Variants in ARL15 observed in about 807,000 individuals in gnomAD.
ARL15 encodes ARF like GTPase 15.
A neutral mutation model predicts 25.2 loss-of-function variants in ARL15; 19 were observed. The ratio of observed to expected loss-of-function variants is 0.75; its 90% confidence interval spans 0.53 to 1.10. The LOEUF is 1.10. Among genes scored for constraint, ARL15 ranks in the 50% least tolerant of loss-of-function variants. ARL15 has a pLI of 0.00. For synonymous variants in ARL15, 94 were observed against 86.8 expected (o/e 1.08, Z -0.46); for missense variants, 220 against 246.0 (o/e 0.89, Z 0.71).
intron 4 of ARL15, among the ~76,000 whole-genome samples, chr5:54,018,880 G>A (rs1302082277): frequency 3.3e-5 from 5 of 151,936 alleles, no homozygotes; most frequent in Admixed American, 6.6e-5. Flanking sequence ...CTAAACACCC[G>A]GAGTGAATAA....
intron 4 of ARL15, among the ~76,000 whole-genome samples, chr5:53,958,345 T>C (rs1259005408): frequency 6.6e-6 from 1 of 152,152 alleles, no homozygotes; most frequent in East Asian, 1.9e-4. Context: ...GTTACGTTGG[T>C]ATCAAGTAAA....
intron 1 of ARL15, among the ~76,000 whole-genome samples, chr5:54,215,542 T>C (rs1231164180): frequency 3.5e-5 from 5 of 144,262 alleles, no homozygotes; most frequent in Non-Finnish European, 6.0e-5. Context: ...AAATTCAATC[T>C]GAGAACTCGA....
At chr5:54,295,827 A>G (rs140819459) in intron 1 of ARL15, among the ~76,000 whole-genome samples, 80 of 152,326 alleles carry the variant, frequency 5.3e-4, no homozygotes, top group Non-Finnish European at 4.4e-5. Context: ...CCTGCCTCTC[A>G]GGAAACATTC....
intron 1 of ARL15, among the ~76,000 whole-genome samples, chr5:54,269,596 T>G (rs374662058): frequency 7.2e-5 from 11 of 152,218 alleles, no homozygotes; most frequent in East Asian, 5.8e-4. Flanking sequence ...CTTAATGAGA[T>G]GGATAGGTTA....
chr5:54,055,608 G>A (rs1322530764), intron 4 of ARL15, among the ~76,000 whole-genome samples: 9 of 151,946 alleles, frequency 5.9e-5, no homozygotes, highest in Non-Finnish European at 1.0e-4. Flanking sequence ...TGATCCACCC[G>A]TCTCGGCCTC....
chr5:54,144,591 T>A (rs1025914743), intron 3 of ARL15, among the ~76,000 whole-genome samples: 10 of 152,248 alleles, frequency 6.6e-5, no homozygotes, highest in African/African-American at 2.2e-4. Context: ...TCATTTGGCA[T>A]CTTTCTTTCA....
intron 4 of ARL15, among the ~76,000 whole-genome samples, chr5:53,932,204 A>G (rs1746214367): frequency 6.6e-6 from 1 of 152,250 alleles, no homozygotes; most frequent in South Asian, 2.1e-4. Flanking sequence ...TAAACCTTAT[A>G]AGGAAGGGAA....
At chr5:54,126,841 ATTTT>A (rs960012277) in intron 3 of ARL15, among the ~76,000 whole-genome samples, 79 of 151,774 alleles carry the variant, frequency 5.2e-4, no homozygotes, top group African/African-American at 1.8e-3. Context: ...TTTTTAATTT[ATTTT>A]TATTTTATTT....
At chr5:54,134,568 C>CTTTTTTTTT (rs5867914) in intron 3 of ARL15, among the ~76,000 whole-genome samples, 3 of 51,796 alleles carry the variant, frequency 5.8e-5, no homozygotes, top group African/African-American at 1.6e-4. Context: ...GAATGATTAG[C>CTTTTTTTTT]TTTTTTTTTT....
chr5:53,941,092 A>G (rs1184509226), intron 4 of ARL15, among the ~76,000 whole-genome samples: 1 of 152,200 alleles, frequency 6.6e-6, no homozygotes, highest in Non-Finnish European at 1.5e-5. Flanking sequence ...CAAAATATCA[A>G]TGGTTTATTT....
At chr5:54,059,774 C>T (rs1039531527) in intron 4 of ARL15, among the ~76,000 whole-genome samples, 1 of 152,084 alleles carries the variant, frequency 6.6e-6, no homozygotes, top group Non-Finnish European at 1.5e-5. Context: ...AGTTATTTGG[C>T]TCCTTCAGCA....
intron 3 of ARL15, among the ~76,000 whole-genome samples, chr5:54,117,370 T>TACACACACACACACACAC: frequency 7.0e-6 from 1 of 143,880 alleles, no homozygotes; most frequent in South Asian, 2.3e-4. Context: ...GTGAGACACA[T>TACACACACACACACACAC]ACACACACAC....
chr5:54,229,384 G>T (rs1341464710), intron 1 of ARL15, among the ~76,000 whole-genome samples: 1 of 152,156 alleles, frequency 6.6e-6, no homozygotes, highest in African/African-American at 2.4e-5. Flanking sequence ...TGGGGTGAAG[G>T]ACACACTGTA....
intron 1 of ARL15, among the ~76,000 whole-genome samples, chr5:54,239,780 G>C (rs933105117): frequency 1.3e-5 from 2 of 152,154 alleles, no homozygotes; most frequent in African/African-American, 4.8e-5. Flanking sequence ...CACCATTGCA[G>C]ATGGTGAAGC....
At chr5:54,281,978 C>T (rs1758072537) in intron 1 of ARL15, among the ~76,000 whole-genome samples, 2 of 152,186 alleles carry the variant, frequency 1.3e-5, no homozygotes, top group Admixed American at 1.3e-4. Context: ...TATTGATGGA[C>T]ATTCGTATTG....
intron 4 of ARL15, among the ~76,000 whole-genome samples, chr5:54,032,551 C>T (rs1363834378): frequency 6.6e-6 from 1 of 151,612 alleles, no homozygotes; most frequent in Non-Finnish European, 1.5e-5. Context: ...TTCATGACTC[C>T]TTTTGGTACA....
chr5:53,905,244 T>C (rs1490528676), intron 4 of ARL15, among the ~76,000 whole-genome samples: 1 of 152,162 alleles, frequency 6.6e-6, no homozygotes, highest in East Asian at 1.9e-4. Flanking sequence ...AATACTAGTG[T>C]CTATCACCTC....
intron 1 of ARL15, among the ~76,000 whole-genome samples, chr5:54,263,759 C>G (rs913444035): frequency 5.3e-5 from 8 of 152,050 alleles, no homozygotes; most frequent in Non-Finnish European, 1.2e-4. Flanking sequence ...CAGAGAGCAA[C>G]CCCATCCATA....
intron 4 of ARL15, among the ~76,000 whole-genome samples, chr5:54,076,458 C>G (rs1751611348): frequency 8.1e-6 from 1 of 124,198 alleles, no homozygotes; most frequent in Non-Finnish European, 1.9e-5. Flanking sequence ...AAAGAGAAAT[C>G]AGGATAGTAT....
Sources: gnomAD v4.1 joint callset for allele counts (sites outside exome capture counted in the v4.1 genomes callset) on GRCh38, gnomAD v4.1.1 for gene constraint, MANE v1.5 for transcripts, NCBI Gene and HGNC (gene_info 2026-07-23, HGNC 2026-07-21) for gene names.